Variants in SLC49A4 observed in about 807,000 individuals in gnomAD.
SLC49A4 encodes solute carrier family 49 member 4.
In SLC49A4, 36 loss-of-function variants were observed where a neutral mutation model predicts 50.6. The ratio of observed to expected loss-of-function variants is 0.71; its 90% CI spans 0.55 to 0.94. The LOEUF is 0.94. SLC49A4 is among the 40% of genes least tolerant of loss of function. The probability of loss-of-function intolerance (pLI) is 0.00; values close to 1 mark genes in which losing one functional copy is unlikely to be tolerated. For synonymous variants in SLC49A4, 248 were observed against 241.2 expected, an observed-to-expected ratio of 1.03 and a Z score of -0.26; for missense variants, 503 against 605.7, an observed-to-expected ratio of 0.83 and a Z score of 1.78.
chr3:122,837,029 G>C (rs1936696490), intron 4 of SLC49A4, among the ~76,000 whole-genome samples: 1 of 152,130 alleles, frequency 6.6e-6, no homozygotes, highest in African/African-American at 2.4e-5. Flanking sequence ...TCTTCAAGGA[G>C]AGCTACAAAC....
intron 3 of SLC49A4, among the ~76,000 whole-genome samples, chr3:122,827,580 T>C (rs964092023): frequency 6.6e-6 from 1 of 152,236 alleles, no homozygotes; most frequent in Non-Finnish European, 1.5e-5. Context: ...TTCTAAAATA[T>C]TCTTTGAATT....
At chr3:122,870,509 G>C (rs1198680886) in intron 7 of SLC49A4, among the ~76,000 whole-genome samples, 1 of 151,202 alleles carries the variant, frequency 6.6e-6, no homozygotes, top group Non-Finnish European at 1.5e-5. Flanking sequence ...ATGCCAGCTT[G>C]ATCGATAGAT....
intron 4 of SLC49A4, among the ~76,000 whole-genome samples, chr3:122,840,886 T>TA (rs1936761125): frequency 6.6e-6 from 1 of 152,228 alleles, no homozygotes; most frequent in African/African-American, 2.4e-5. Context: ...TCTTACATTC[T>TA]ATAGGCCATT....
intron 5 of SLC49A4, among the ~76,000 whole-genome samples, chr3:122,846,502 C>T (rs1936854960): frequency 6.6e-6 from 1 of 152,130 alleles, no homozygotes; most frequent in Non-Finnish European, 1.5e-5. Flanking sequence ...GCTGTATTAA[C>T]ACTCTCTTAC....
chr3:122,856,189 ATTCTT>A (rs1936987029), intron 5 of SLC49A4, 113 bp from the exon 6 acceptor site: 1 of 849,330 alleles, frequency 1.2e-6, no homozygotes, highest in Non-Finnish European at 1.9e-6. Flanking sequence ...TTACACATGA[ATTCTT>A]TTATTTCATC....
intron 4 of SLC49A4, among the ~76,000 whole-genome samples, chr3:122,842,707 T>C (rs1936789831): frequency 6.6e-6 from 1 of 152,158 alleles, no homozygotes; most frequent in African/African-American, 2.4e-5. Flanking sequence ...CCCCTTTGAC[T>C]TGTGTTTACT....
rs1008032806 is a variant in SLC49A4 at position 122,880,533 on chromosome 3, C to G, written c.*1155C>G. On this transcript the variant is annotated 3_prime_UTR_variant, in exon 9 of 9. Transcript: ENST00000261038. ...ACACTGCAGTGAGAATATGGTATCA[C>G]CACTATTCATATTTACATCATTCCC... 12 of 152,136 alleles carry G rather than the reference C, an allele frequency of 7.9e-5. No individual in the cohort carries two copies. Among genetic ancestry groups the G allele is most frequent in the African/African-American group, 2.7e-4 (11 of 41,424 alleles). 9.4% of individuals were successfully genotyped at this position (152,136 alleles called of 1,614,324 possible).
At chr3:122,804,873 G>A (rs922507450) in intron 1 of SLC49A4, among the ~76,000 whole-genome samples, 3 of 152,174 alleles carry the variant, frequency 2.0e-5, no homozygotes, top group Non-Finnish European at 4.4e-5. Flanking sequence ...TTGATAAAAA[G>A]CATAACTGAG....
intron 2 of SLC49A4, among the ~76,000 whole-genome samples, chr3:122,810,861 G>T (rs937644911): frequency 6.6e-6 from 1 of 152,184 alleles, no homozygotes; most frequent in Non-Finnish European, 1.5e-5. Flanking sequence ...GACTGATTTT[G>T]TGACAGCTGC....
chr3:122,836,775 G>A (rs1936693429), intron 4 of SLC49A4, among the ~76,000 whole-genome samples: 1 of 152,242 alleles, frequency 6.6e-6, no homozygotes, highest in Non-Finnish European at 1.5e-5. Context: ...GTCAAATTGT[G>A]CCTGTTTGCA....
At chr3:122,808,775 A>G (rs933369318) in intron 2 of SLC49A4, among the ~76,000 whole-genome samples, 38 of 152,210 alleles carry the variant, frequency 2.5e-4, no homozygotes, top group African/African-American at 8.2e-4. Flanking sequence ...GTGAGAGATG[A>G]TGGTGGCTTG....
chr3:122,799,830 G>A (rs1043840038), intron 1 of SLC49A4, among the ~76,000 whole-genome samples: 12 of 152,334 alleles, frequency 7.9e-5, no homozygotes, highest in Middle Eastern at 6.8e-3. Context: ...GATGTGGAGC[G>A]TGAAGGAAGG....
intron 5 of SLC49A4, among the ~76,000 whole-genome samples, chr3:122,853,364 A>G (rs1936948454): frequency 6.6e-6 from 1 of 152,176 alleles, no homozygotes; most frequent in Non-Finnish European, 1.5e-5. Context: ...CTTTACTATA[A>G]TAAGAAAGGC....
chr3:122,815,718 T>C (rs1445998563), intron 2 of SLC49A4, among the ~76,000 whole-genome samples: 1 of 152,228 alleles, frequency 6.6e-6, no homozygotes, highest in East Asian at 1.9e-4. Context: ...TTTGTGGCTC[T>C]CTGAAAGTAA....
chr3:122,866,210 T>TG (rs1560238150), intron 7 of SLC49A4, among the ~76,000 whole-genome samples: 2 of 150,966 alleles, frequency 1.3e-5, no homozygotes, highest in African/African-American at 4.9e-5. Context: ...CGTTGTTTTT[T>TG]TTTTTTTTTT....
intron 1 of SLC49A4, among the ~76,000 whole-genome samples, chr3:122,796,434 A>G (rs1211241377): frequency 6.6e-6 from 1 of 152,222 alleles, no homozygotes; most frequent in Non-Finnish European, 1.5e-5. Context: ...AGCTGCTATA[A>G]CAAAATACCA....
chr3:122,811,674 A>G (rs1475388403), intron 2 of SLC49A4, among the ~76,000 whole-genome samples: 2 of 152,258 alleles, frequency 1.3e-5, no homozygotes, highest in Admixed American at 6.5e-5. Context: ...AGATGCCTTC[A>G]GCAGAGAACT....
At chr3:122,798,634 CTTTTTTT>C (rs71136594) in intron 1 of SLC49A4, among the ~76,000 whole-genome samples, 39 of 62,842 alleles carry the variant, frequency 6.2e-4, no homozygotes, top group African/African-American at 2.2e-3. Context: ...ACTAAAATAT[CTTTTTTT>C]TTTTTTTTTT....
rs140642073 is a variant in SLC49A4 at position 122,833,315 on chromosome 3, A to G, written c.704-2A>G. 1.9e-6 allele frequency: 3 copies of G among 1,608,798 alleles called. No individual in the cohort carries two copies. The highest frequency in any genetic ancestry group is 3.4e-5 in the Admixed American group (2 of 58,722). ...AACATTTTACCTATTTTTTTCTTTC[A>G]GAATTTGGAGTTGTCTGCTTAATAT... On this transcript the variant is annotated splice_acceptor_variant, in intron 3 of 8. Transcript: ENST00000261038. LOFTEE classifies it high-confidence loss of function.
Sources: gnomAD v4.1 joint callset for allele counts (sites outside exome capture counted in the v4.1 genomes callset) on GRCh38, gnomAD v4.1.1 for gene constraint, MANE v1.5 for transcripts, NCBI Gene and HGNC (gene_info 2026-07-23, HGNC 2026-07-21) for gene names.